TAFA2: variants seen among roughly 807,000 people sequenced by gnomAD.
The protein encoded by TAFA2 is chemokine-like protein TAFA-2.
A neutral mutation model predicts 18.8 loss-of-function variants in TAFA2; 7 were observed. The observed-to-expected ratio is 0.37, with a 90% CI of 0.21 to 0.70. TAFA2 has a LOEUF of 0.70. Ranked by LOEUF, TAFA2 falls within the 30% of genes least tolerant of loss-of-function variation. The probability of loss-of-function intolerance (pLI) is 0.53; values close to 1 mark genes in which losing one functional copy is unlikely to be tolerated. For synonymous variants in TAFA2, 60 were observed against 54.2 expected, an observed-to-expected ratio of 1.11 and a Z score of -0.47; for missense variants, 122 against 158.1, an observed-to-expected ratio of 0.77 and a Z score of 1.23.
intron 1 of TAFA2, among the ~76,000 whole-genome samples, chr12:61,931,789 T>C (rs1555176882): frequency 6.6e-6 from 1 of 152,192 alleles, no homozygotes; most frequent in Non-Finnish European, 1.5e-5. Flanking sequence ...TTATCTTCTT[T>C]GGGAAATCTT....
At chr12:62,040,754 C>T (rs1458103805) in intron 1 of TAFA2, among the ~76,000 whole-genome samples, 3 of 152,152 alleles carry the variant, frequency 2.0e-5, no homozygotes, top group Admixed American at 6.5e-5. Flanking sequence ...AGGAACAAAA[C>T]GAAGTACCCA....
chr12:62,231,745 A>G (rs1348208116), intron 1 of TAFA2, among the ~76,000 whole-genome samples: 1 of 152,246 alleles, frequency 6.6e-6, no homozygotes, highest in African/African-American at 2.4e-5. Context: ...CACTATACTT[A>G]AGAACGGATA....
chr12:62,119,245 C>T (rs1175583869), intron 1 of TAFA2, among the ~76,000 whole-genome samples: 1 of 151,990 alleles, frequency 6.6e-6, no homozygotes, highest in Non-Finnish European at 1.5e-5. Flanking sequence ...AATTTTACTA[C>T]TTACATAAAA....
intron 2 of TAFA2, among the ~76,000 whole-genome samples, chr12:61,789,816 A>C (rs1319282780): frequency 1.3e-5 from 2 of 151,908 alleles, no homozygotes; most frequent in Non-Finnish European, 2.9e-5. Context: ...AACTCATCTT[A>C]AACTATTCCA....
At position 61,710,124 on chromosome 12, in the gene TAFA2, C is replaced by A. The variant is rs1233238948; in HGVS notation, c.*282G>T. On this transcript the variant is annotated 3_prime_UTR_variant, in exon 5 of 5. Coordinates refer to ENST00000416284, the MANE Select transcript of TAFA2 (RefSeq NM_178539.5). ...GTCTCTAACATCACCCTGAAAAAAACAACTCTTCACCAGCTCCTCAGACAG... is the reference window on the plus strand; with the variant it reads ...GTCTCTAACATCACCCTGAAAAAAAAAACTCTTCACCAGCTCCTCAGACAG... The A allele has an allele frequency of 1.2e-5, 5 of 412,254 alleles. No homozygotes were observed. Among genetic ancestry groups the A allele is most frequent in the Non-Finnish European group, 2.2e-5 (5 of 229,534 alleles). The allele number at this position is 412,254 out of a possible 1,614,324, so 25.5% of individuals were successfully genotyped here. A position where few individuals can be genotyped will look rare whatever the true frequency, so the allele number is the denominator to read the frequency against.
intron 1 of TAFA2, among the ~76,000 whole-genome samples, chr12:62,204,958 T>C (rs1403896157): frequency 6.6e-6 from 1 of 152,234 alleles, no homozygotes; most frequent in Non-Finnish European, 1.5e-5. Flanking sequence ...CTCATCTTCA[T>C]GAGTTTATTT....
At chr12:61,838,702 A>G (rs1175621262) in intron 2 of TAFA2, among the ~76,000 whole-genome samples, 1 of 152,102 alleles carries the variant, frequency 6.6e-6, no homozygotes. Flanking sequence ...CCAGGCATTT[A>G]TTAAAAGTTC....
At chr12:61,736,922 T>C (rs907678710) in intron 4 of TAFA2, among the ~76,000 whole-genome samples, 9 of 152,100 alleles carry the variant, frequency 5.9e-5, no homozygotes, top group African/African-American at 2.2e-4. Context: ...ATGTTAAAGT[T>C]TGGCATTGAA....
At chr12:61,886,218 C>A (rs533882579) in intron 1 of TAFA2, among the ~76,000 whole-genome samples, 1 of 152,256 alleles carries the variant, frequency 6.6e-6, no homozygotes, top group Non-Finnish European at 1.5e-5. Flanking sequence ...TTTAAGGAGA[C>A]CTGACCCATT....
chr12:61,729,882 G>A (rs1870359411), intron 4 of TAFA2, among the ~76,000 whole-genome samples: 2 of 151,996 alleles, frequency 1.3e-5, no homozygotes, highest in African/African-American at 4.8e-5. Context: ...GGGACTCAAG[G>A]GCTGTTGTTC....
intron 2 of TAFA2, among the ~76,000 whole-genome samples, chr12:61,785,768 A>G (rs1159369821): frequency 1.3e-5 from 2 of 151,632 alleles, no homozygotes; most frequent in Non-Finnish European, 3.0e-5. Flanking sequence ...AGCATGCTCT[A>G]TGATGTTCAC....
intron 2 of TAFA2, among the ~76,000 whole-genome samples, chr12:61,772,491 C>T (rs1870075664): frequency 6.6e-6 from 1 of 151,770 alleles, no homozygotes; most frequent in Non-Finnish European, 1.5e-5. Flanking sequence ...AATCCAACAG[C>T]ATTATCAAAA....
intron 1 of TAFA2, among the ~76,000 whole-genome samples, chr12:61,869,753 A>G (rs749746183): frequency 3.9e-5 from 6 of 152,204 alleles, no homozygotes; most frequent in Non-Finnish European, 8.8e-5. Flanking sequence ...CTTCCGTTCT[A>G]TTGCCTTTGT....
intron 1 of TAFA2, among the ~76,000 whole-genome samples, chr12:62,000,705 TAATA>T (rs1211756242): frequency 1.7e-5 from 2 of 114,342 alleles, no homozygotes; most frequent in African/African-American, 5.7e-5. Flanking sequence ...TTCCAAGGTA[TAATA>T]AATACATTGT....
chr12:61,995,740 G>A (rs1358544003), intron 1 of TAFA2, among the ~76,000 whole-genome samples: 1 of 152,154 alleles, frequency 6.6e-6, no homozygotes, highest in Non-Finnish European at 1.5e-5. Flanking sequence ...ATGAGCAGTT[G>A]TTACGGCTTA....
intron 2 of TAFA2, among the ~76,000 whole-genome samples, chr12:61,790,564 G>A (rs1870932290): frequency 6.6e-6 from 1 of 151,692 alleles, no homozygotes. Context: ...GTGTTTTTAT[G>A]CATTAGTAGT....
chr12:62,121,386 T>C (rs373716312), intron 1 of TAFA2, among the ~76,000 whole-genome samples: 1 of 152,202 alleles, frequency 6.6e-6, no homozygotes, highest in Admixed American at 6.5e-5. Flanking sequence ...AAGTCCACAA[T>C]GATTTGTGTG....
intron 1 of TAFA2, among the ~76,000 whole-genome samples, chr12:61,939,591 A>G (rs557614931): frequency 6.6e-6 from 1 of 152,356 alleles, no homozygotes; most frequent in South Asian, 2.1e-4. Context: ...CCGCATCTAT[A>G]AAGTAGGAAA....
chr12:62,053,129 G>T (rs948185343), intron 1 of TAFA2, among the ~76,000 whole-genome samples: 14 of 152,070 alleles, frequency 9.2e-5, no homozygotes, highest in Non-Finnish European at 1.9e-4. Context: ...TCCAAAATGA[G>T]AGTTAATTTA....
Sources: allele counts gnomAD v4.1 joint callset (sites outside exome capture counted in the v4.1 genomes callset), GRCh38; gene constraint gnomAD v4.1.1; transcripts MANE v1.5; gene names NCBI Gene and HGNC (gene_info 2026-07-23, HGNC 2026-07-21).